The following SPRED2 variants were observed in gnomAD, a reference collection of about 807,000 sequenced individuals.
SPRED2 encodes sprouty related EVH1 domain containing 2.
Under a neutral mutation model 43.0 loss-of-function variants are expected in SPRED2, and 47 were observed. The ratio of observed to expected loss-of-function variants is 1.09; its 90% CI spans 0.87 to 1.40. The LOEUF is 1.40. Among genes scored for constraint, SPRED2 ranks in the 40% most tolerant of loss-of-function variants. The pLI is 0.00. For synonymous variants in SPRED2, 225 were observed against 225.7 expected, an observed-to-expected ratio of 1.00 and a Z score of 0.03; for missense variants, 561 against 586.4, an observed-to-expected ratio of 0.96 and a Z score of 0.45.
intron 1 of SPRED2, among the ~76,000 whole-genome samples, chr2:65,413,511 C>A (rs1676208555): frequency 1.3e-5 from 2 of 152,206 alleles, no homozygotes. Flanking sequence ...GTGTTGTCTG[C>A]AGGGCGGTCA....
At chr2:65,406,297 C>T (rs1416541390) in intron 1 of SPRED2, among the ~76,000 whole-genome samples, 2 of 152,214 alleles carry the variant, frequency 1.3e-5, no homozygotes, top group South Asian at 2.1e-4. Context: ...CCAAACTTAC[C>T]ATCCACCAAC....
intron 1 of SPRED2, among the ~76,000 whole-genome samples, chr2:65,427,493 A>G (rs1676584375): frequency 6.6e-6 from 1 of 152,246 alleles, no homozygotes; most frequent in East Asian, 1.9e-4. Flanking sequence ...AAGAAAATGG[A>G]TCAATACTCA....
At chr2:65,354,272 C>A (rs1674585973) in intron 1 of SPRED2, among the ~76,000 whole-genome samples, 1 of 152,162 alleles carries the variant, frequency 6.6e-6, no homozygotes, top group African/African-American at 2.4e-5. Flanking sequence ...GAGAAAGCCC[C>A]AATTTTAGCG....
intron 1 of SPRED2, among the ~76,000 whole-genome samples, chr2:65,415,753 C>T (rs1282120644): frequency 4.6e-5 from 7 of 151,648 alleles, no homozygotes; most frequent in African/African-American, 1.2e-4. Context: ...TTATTCAAAG[C>T]GACTCTTTGG....
At chr2:65,387,323 T>G (rs1286265046) in intron 1 of SPRED2, among the ~76,000 whole-genome samples, 1 of 152,224 alleles carries the variant, frequency 6.6e-6, no homozygotes, top group African/African-American at 2.4e-5. Flanking sequence ...TGCTCTCTAG[T>G]GATGCCCACC....
chr2:65,349,789 C>T (rs1674457155), intron 1 of SPRED2, among the ~76,000 whole-genome samples: 2 of 152,252 alleles, frequency 1.3e-5, no homozygotes, highest in African/African-American at 2.4e-5. Context: ...TCTGAGGCCT[C>T]CTCCTTCCTG....
At chr2:65,431,926 A>G in intron 1 of SPRED2, 36 bp downstream of exon 1, 1 of 1,598,770 alleles carries the variant, frequency 6.3e-7, no homozygotes, top group Non-Finnish European at 8.6e-7. Flanking sequence ...GCTGCCCCTG[A>G]GGGGCACCCT....
chr2:65,310,801 G>A (rs187840999), downstream of SPRED2: 3 of 906,384 alleles, frequency 3.3e-6, no homozygotes, highest in South Asian at 5.1e-5. Flanking sequence ...ATCTGCCAAC[G>A]CTCTAGCATC....
intron 1 of SPRED2, among the ~76,000 whole-genome samples, chr2:65,354,822 G>A (rs905594868): frequency 9.2e-5 from 14 of 152,158 alleles, no homozygotes; most frequent in Non-Finnish European, 1.6e-4. Flanking sequence ...CGAAGTGTTC[G>A]CTGAAGTAAA....
downstream of SPRED2, among the ~76,000 whole-genome samples, chr2:65,307,293 T>G (rs980897939): frequency 1.3e-5 from 2 of 152,270 alleles, no homozygotes; most frequent in Admixed American, 6.5e-5. Flanking sequence ...CCTCCCAAGT[T>G]CAAGCATTTC....
In SPRED2 at chr2:65,344,728, TTTCTGTCG is replaced by T. The variant is rs1449883458; in HGVS notation, c.187_194del (p.Lys65ThrfsTer28). The T allele has an allele frequency of 6.2e-7, 1 of 1,614,104 alleles. No homozygotes were observed. The highest frequency in any genetic ancestry group is 1.7e-5 in the Admixed American group (1 of 60,024). ...GTATGTCTGCCATTACCAGTTTGTC[TTTCTGTCG>T]TTCACCATGGATGAGAAAGCCGCTT... On this transcript the variant is annotated frameshift_variant, in exon 2 of 6. Transcript: ENST00000356388. LOFTEE classifies it high-confidence loss of function.
intron 1 of SPRED2, among the ~76,000 whole-genome samples, chr2:65,403,854 A>C (rs1389001622): frequency 1.3e-5 from 2 of 152,182 alleles, no homozygotes; most frequent in Admixed American, 1.3e-4. Flanking sequence ...TATCATGCTC[A>C]AAATTTCATA....
intron 1 of SPRED2, among the ~76,000 whole-genome samples, chr2:65,391,514 A>G (rs1489595763): frequency 3.3e-5 from 5 of 152,206 alleles, no homozygotes; most frequent in Admixed American, 3.3e-4. Flanking sequence ...TGTATTGCCC[A>G]TCTTATTAAC....
At chr2:65,333,591 G>A (rs1673878472) in intron 3 of SPRED2, among the ~76,000 whole-genome samples, 2 of 152,132 alleles carry the variant, frequency 1.3e-5, no homozygotes, top group Admixed American at 6.5e-5. Context: ...AATAATATAG[G>A]AGCTGTTTTT....
At chr2:65,381,102 C>G (rs1572882903) in intron 1 of SPRED2, among the ~76,000 whole-genome samples, 1 of 152,178 alleles carries the variant, frequency 6.6e-6, no homozygotes, top group Non-Finnish European at 1.5e-5. Context: ...AAATAGGCAG[C>G]CTGACTCCAG....
In SPRED2 at chr2:65,332,053, TA is replaced by T. The variant is rs765917485; in HGVS notation, c.374-3del. ...TGGTGGAAGATGACGTTGTTGAACC[TA>T]AAAAGACAAAAATGTAATAAAAAGT... is the stretch of plus-strand genomic sequence containing the variant. On this transcript the variant is annotated splice_polypyrimidine_tract_variant and splice_region_variant and intron_variant, in intron 3 of 5. Coordinates refer to ENST00000356388, the MANE Select transcript of SPRED2 (RefSeq NM_181784.3). 1.2e-6 allele frequency: 2 copies of T among 1,600,414 alleles called. No homozygotes were observed. The highest frequency in any genetic ancestry group is 1.7e-6 in the Non-Finnish European group (2 of 1,171,150).
chr2:65,377,442 T>C (rs1453795899), intron 1 of SPRED2, among the ~76,000 whole-genome samples: 1 of 152,200 alleles, frequency 6.6e-6, no homozygotes, highest in Non-Finnish European at 1.5e-5. Context: ...GGCTGCCCAT[T>C]CTCCATCCTT....
intron 2 of SPRED2, among the ~76,000 whole-genome samples, chr2:65,343,570 G>A (rs1489859948): frequency 1.3e-5 from 2 of 152,070 alleles, no homozygotes; most frequent in Admixed American, 6.6e-5. Context: ...TTTTCTCTGT[G>A]GGATCCTGCA....
chr2:65,399,933 A>G (rs1438063089), intron 1 of SPRED2, among the ~76,000 whole-genome samples: 3 of 152,310 alleles, frequency 2.0e-5, no homozygotes, highest in South Asian at 2.1e-4. Context: ...TTATTCATGT[A>G]ACCAAACACC....
Sources: gnomAD v4.1 joint callset for allele counts (sites outside exome capture counted in the v4.1 genomes callset) on GRCh38, gnomAD v4.1.1 for gene constraint, MANE v1.5 for transcripts, NCBI Gene and HGNC (gene_info 2026-07-23, HGNC 2026-07-21) for gene names.